Variants in ZBTB8A observed in about 807,000 individuals in gnomAD.
ZBTB8A encodes zinc finger and BTB domain containing 8A, also known as zinc finger and BTB domain-containing protein 8A.
ZBTB8A carries 19 observed loss-of-function variants against 37.8 expected under a neutral mutation model. The ratio of observed to expected loss-of-function variants is 0.50; its 90% CI spans 0.35 to 0.74. ZBTB8A has a LOEUF of 0.74. Ranked by LOEUF, ZBTB8A falls within the 30% of genes least tolerant of loss-of-function variation. The pLI is 0.01. For synonymous variants in ZBTB8A, 181 were observed against 185.2 expected (o/e 0.98, Z 0.19); for missense variants, 394 against 537.8 (o/e 0.73, Z 2.65).
At chr1:32,591,599 A>G (rs1644489946) in intron 2 of ZBTB8A, among the ~76,000 whole-genome samples, 1 of 152,124 alleles carries the variant, frequency 6.6e-6, no homozygotes, top group South Asian at 2.1e-4. Flanking sequence ...GGTTCAGCAT[A>G]TAGCAGAAGG....
At chr1:32,549,492 C>CAAA (rs796747835) in intron 1 of ZBTB8A, among the ~76,000 whole-genome samples, 1 of 110,284 alleles carries the variant, frequency 9.1e-6, no homozygotes, top group East Asian at 2.9e-4. Context: ...AACTCCGTCT[C>CAAA]AAAAAAAAAA....
chr1:32,549,655 A>G (rs1644135248), intron 1 of ZBTB8A, among the ~76,000 whole-genome samples: 1 of 152,178 alleles, frequency 6.6e-6, no homozygotes, highest in Admixed American at 6.6e-5. Context: ...CCTTGAGCCT[A>G]GGAGTTCGAG....
At chr1:32,549,718 A>G (rs2148215617) in intron 1 of ZBTB8A, among the ~76,000 whole-genome samples, 1 of 152,262 alleles carries the variant, frequency 6.6e-6, no homozygotes, top group African/African-American at 2.4e-5. Context: ...ATCCTGGATG[A>G]CAGAGTGAGA....
rs115212851 is a variant in ZBTB8A at position 32,556,056 on chromosome 1, A to G, written c.-2+2516A>G. On this transcript the variant is annotated intron_variant, in intron 2 of 4. Coordinates refer to ENST00000373510, the MANE Select transcript of ZBTB8A (RefSeq NM_001040441.3). ...CCCAAGTAGCTGGGACTACAGGCAC[A>G]TGCAATTTTTTATTTTTATTTATTT... is the stretch of plus-strand genomic sequence containing the variant. Among the ~76,000 whole-genome samples the G allele has an allele frequency of 7.4e-3, 1,116 of 150,458 alleles. 16 individuals are homozygous for G. The highest frequency in any genetic ancestry group is 0.025 in the African/African-American group (1,030 of 40,970).
intron 2 of ZBTB8A, among the ~76,000 whole-genome samples, chr1:32,577,842 CA>C: frequency 6.6e-6 from 1 of 151,906 alleles, no homozygotes; most frequent in Non-Finnish European, 1.5e-5. Context: ...TTCAGCCTCC[CA>C]AAATACTGGG....
At chr1:32,557,676 G>A (rs940788801) in intron 2 of ZBTB8A, among the ~76,000 whole-genome samples, 1 of 152,044 alleles carries the variant, frequency 6.6e-6, no homozygotes, top group Non-Finnish European at 1.5e-5. Context: ...TGTTGCCCAG[G>A]CTAGTCTCAA....
intron 4 of ZBTB8A, among the ~76,000 whole-genome samples, chr1:32,596,301 C>T (rs530727508): frequency 2.6e-4 from 39 of 148,850 alleles, no homozygotes; most frequent in Non-Finnish European, 3.7e-4. Flanking sequence ...ACCTGGGAGG[C>T]GGAGCTTGCA....
At chr1:32,578,621 A>G (rs1644380831) in intron 2 of ZBTB8A, among the ~76,000 whole-genome samples, 1 of 152,068 alleles carries the variant, frequency 6.6e-6, no homozygotes, top group African/African-American at 2.4e-5. Flanking sequence ...CTTCTTTGCT[A>G]ACTCTAGCAT....
At chr1:32,548,264 C>T (rs1428288254) in intron 1 of ZBTB8A, among the ~76,000 whole-genome samples, 1 of 151,688 alleles carries the variant, frequency 6.6e-6, no homozygotes, top group African/African-American at 2.4e-5. Flanking sequence ...CTCTCACTCT[C>T]TCTAGGTACA....
chr1:32,567,309 A>G (rs967236626), intron 2 of ZBTB8A, among the ~76,000 whole-genome samples: 1 of 152,150 alleles, frequency 6.6e-6, no homozygotes, highest in African/African-American at 2.4e-5. Flanking sequence ...TGATCCAGTC[A>G]CATTCCACCA....
chr1:32,585,975 C>G (rs1429894599), intron 2 of ZBTB8A, among the ~76,000 whole-genome samples: 4 of 151,294 alleles, frequency 2.6e-5, no homozygotes, highest in African/African-American at 9.7e-5. Flanking sequence ...TGCACTCCAG[C>G]CTGGGCAACA....
chr1:32,544,425 C>G (rs191505408), intron 1 of ZBTB8A, among the ~76,000 whole-genome samples: 304 of 152,298 alleles, frequency 2.0e-3, no homozygotes, highest in African/African-American at 7.0e-3. Flanking sequence ...AAGCTGGGCA[C>G]AGTGGCTCAC....
intron 1 of ZBTB8A, among the ~76,000 whole-genome samples, chr1:32,551,221 C>A (rs1477585784): frequency 6.6e-6 from 1 of 152,040 alleles, no homozygotes; most frequent in Non-Finnish European, 1.5e-5. Flanking sequence ...TCACTTGAGC[C>A]TAGGATTTCA....
Position 32,561,133 on chromosome 1 carries a change from G to A in ZBTB8A, c.-2+7593G>A, listed in dbSNP as rs574068501. ...AACTCTTTAATGAAGCAAATAAGGT[G>A]CTCCACCCATTTCTCACCATCTCTT... On this transcript the variant is annotated intron_variant, in intron 2 of 4. Coordinates refer to ENST00000373510, the MANE Select transcript of ZBTB8A (RefSeq NM_001040441.3). Among the ~76,000 whole-genome samples the A allele has an allele frequency of 3.3e-4, 47 of 143,258 alleles. 1 individual carries two copies. The highest frequency in any genetic ancestry group is 4.3e-4 in the Admixed American group (6 of 14,006). The allele number at this position is 143,258 out of a possible 152,430, so 94.0% of individuals were successfully genotyped here.
Position 32,593,199 on chromosome 1 carries a change from C to G in ZBTB8A, c.268C>G (p.Leu90Val). 1 of 1,614,184 alleles carries G rather than the reference C, an allele frequency of 6.2e-7. No individual in the cohort carries two copies. Among genetic ancestry groups the G allele is most frequent in the Non-Finnish European group, 8.5e-7 (1 of 1,180,046 alleles). Residue 90 changes from leucine (L) to valine (V), a missense_variant, in exon 3 of 5, where the codon CTT becomes GTT. This residue lies in a region of ZBTB8A where 96 missense variants were observed against 165.6 expected (regional missense o/e 0.58). Coordinates refer to ENST00000373510, the MANE Select transcript of ZBTB8A (RefSeq NM_001040441.3). ...CTTCGTATATTCTGGCAAACTGTCT[C>G]TTACTGGTCAGAATGTCATAGAAGT... The part of the protein sequence containing the change: ...LDFVYSGKLS[L>V]TGQNVIEVMS...
In ZBTB8A at chr1:32,560,170, G is replaced by C. The variant is rs374850442; in HGVS notation, c.-2+6630G>C. On this transcript the variant is annotated intron_variant, in intron 2 of 4. Coordinates refer to ENST00000373510, the MANE Select transcript of ZBTB8A (RefSeq NM_001040441.3). ...AACTCACTCACTATACAGTATCAAG[G>C]GGGGATGGTGCTAAACCATCATGAG... Among the ~76,000 whole-genome samples, 193 of 152,178 alleles carry C rather than the reference G, an allele frequency of 1.3e-3. 1 individual carries two copies. The highest frequency in any genetic ancestry group is 3.4e-3 in the Middle Eastern group (1 of 294).
At chr1:32,554,592 C>T (rs1438041374) in intron 2 of ZBTB8A, among the ~76,000 whole-genome samples, 1 of 151,732 alleles carries the variant, frequency 6.6e-6, no homozygotes, top group Non-Finnish European at 1.5e-5. Flanking sequence ...AGCAGTTCTG[C>T]CTCAGCCTCC....
At chr1:32,596,967 G>A (rs1476975322) in intron 4 of ZBTB8A, among the ~76,000 whole-genome samples, 3 of 151,824 alleles carry the variant, frequency 2.0e-5, no homozygotes, top group Non-Finnish European at 4.4e-5. Context: ...GTCTAGTTGC[G>A]GCTGTCCAAC....
intron 1 of ZBTB8A, among the ~76,000 whole-genome samples, chr1:32,540,039 C>T (rs1191794171): frequency 6.6e-6 from 1 of 151,922 alleles, no homozygotes; most frequent in Non-Finnish European, 1.5e-5. Flanking sequence ...GGGAACCTGG[C>T]TCCCAGGGCA....
Sources: gnomAD v4.1 joint callset for allele counts (sites outside exome capture counted in the v4.1 genomes callset) on GRCh38, gnomAD v4.1.1 for gene constraint, gnomAD v4.1.1 regional missense constraint, MANE v1.5 for transcripts, NCBI Gene and HGNC (gene_info 2026-07-23, HGNC 2026-07-21) for gene names.